Variants in SLC15A1 observed in about 807,000 individuals in gnomAD.
The protein encoded by SLC15A1 is Caco-2 oligopeptide transporter.
SLC15A1 carries 83 observed loss-of-function variants against 92.9 expected under a neutral mutation model. The observed-to-expected ratio is 0.89, with a 90% CI of 0.75 to 1.07. The LOEUF (loss-of-function observed/expected upper bound fraction) is 1.07. Among genes scored for constraint, SLC15A1 ranks in the 50% least tolerant of loss-of-function variants. SLC15A1 has a pLI of 0.00. For synonymous variants in SLC15A1, 322 were observed against 318.2 expected, an observed-to-expected ratio of 1.01 and a Z score of -0.13; for missense variants, 857 against 880.1, an observed-to-expected ratio of 0.97 and a Z score of 0.33.
Position 98,726,172 on chromosome 13 carries a change from T to C in SLC15A1, c.196A>G (p.Thr66Ala), listed in dbSNP as rs750292148. ...GCGATAAGAGCTCCGAGAATTGGCG[T>C]CAGGTAGCACAGAGCCACAAACGTA... The part of the protein sequence containing the change: ...YHTFVALCYL[T>A]PILGALIADS... Residue 66 changes from threonine to alanine, a missense_variant, in exon 4 of 23, where the codon ACG becomes GCG. By Grantham distance (58) the Thr-to-Ala change is moderately conservative. Transcript: ENST00000376503. 9.9e-6 allele frequency: 16 copies of C among 1,613,728 alleles called. 1 individual carries two copies. In the South Asian group the frequency reaches 1.6e-4, roughly 17 times the overall value.
chr13:98,731,308 C>T (rs1268780263), intron 1 of SLC15A1, among the ~76,000 whole-genome samples: 3 of 152,318 alleles, frequency 2.0e-5, no homozygotes, highest in African/African-American at 7.2e-5. Context: ...CGCCAGTGTC[C>T]GGCGAATAGG....
chr13:98,748,136 C>T (rs1449576735), intron 1 of SLC15A1, among the ~76,000 whole-genome samples: 1 of 152,152 alleles, frequency 6.6e-6, no homozygotes, highest in Non-Finnish European at 1.5e-5. Flanking sequence ...GTTCCTGCCC[C>T]CTGAGGATAT....
In SLC15A1 at chr13:98,718,300, CTTTTTTTTTTTTTTTTTTTTT is replaced by C. The variant is rs532286337; in HGVS notation, c.640+916_640+936del. The stretch of plus-strand genomic sequence containing the variant: ...ATCCAGCAGATTCTATCACCTTCAT[CTTTTTTTTTTTTTTTTTTTTT>C]TTTTTTTTTTTTTTTTGAGACAGGG... On this transcript the variant is annotated intron_variant, in intron 8 of 22. Transcript: ENST00000376503. Among the ~76,000 whole-genome samples the C allele has an allele frequency of 6.7e-3, 564 of 84,122 alleles. 22 individuals carry two copies. Among genetic ancestry groups the C allele is most frequent in the Admixed American group, 0.056 (434 of 7,734 alleles). The allele number at this position is 84,122 out of a possible 152,430, so 55.2% of individuals were successfully genotyped here.
At position 98,721,312 on chromosome 13, in the gene SLC15A1, A is replaced by G. The variant is rs769078173; in HGVS notation, c.556+183T>C. On this transcript the variant is annotated intron_variant, in intron 7 of 22. Transcript: ENST00000376503. ...GTCACTGGGATAAGGGATTTAAATAAGACAAAAAGGAGGTGAAACTCACAG... is the reference window on the plus strand; with the variant it reads ...GTCACTGGGATAAGGGATTTAAATAGGACAAAAAGGAGGTGAAACTCACAG... 5.7e-6 allele frequency: 4 copies of G among 705,922 alleles called. No individual in the cohort carries two copies. The South Asian group carries it at 6.0e-5, about 11-fold the overall frequency. The allele number at this position is 705,922 out of a possible 1,614,324, so 43.7% of individuals were successfully genotyped here.
chr13:98,727,540 G>T (rs2088312342), intron 1 of SLC15A1, among the ~76,000 whole-genome samples: 1 of 152,184 alleles, frequency 6.6e-6, no homozygotes, highest in African/African-American at 2.4e-5. Context: ...GAATGAATGA[G>T]AAGAGCAGGA....
At position 98,733,647 on chromosome 13, in the gene SLC15A1, G is replaced by A. The variant is rs1325145319; in HGVS notation, c.5-6788C>T. On this transcript the variant is annotated intron_variant, in intron 1 of 22. Coordinates refer to ENST00000376503, the MANE Select transcript of SLC15A1 (RefSeq NM_005073.4). The stretch of plus-strand genomic sequence containing the variant: ...GCAAAAGTGGTTTTTCAGTTAAGGA[G>A]AGAATTTTCTCAGTATTGCCCCTGC... 4.6e-5 allele frequency among the ~76,000 whole-genome samples: 7 copies of A among 152,260 alleles called. 1 individual carries two copies. Among genetic ancestry groups the A allele is most frequent in the Admixed American group, 3.3e-4 (5 of 15,288 alleles).
intron 1 of SLC15A1, among the ~76,000 whole-genome samples, chr13:98,750,354 G>A (rs1441661053): frequency 6.6e-6 from 1 of 151,994 alleles, no homozygotes; most frequent in Non-Finnish European, 1.5e-5. Flanking sequence ...CTTATGATCC[G>A]CCCGCCTCGG....
intron 1 of SLC15A1, among the ~76,000 whole-genome samples, chr13:98,750,358 G>C (rs868425841): frequency 1.3e-5 from 2 of 152,078 alleles, no homozygotes; most frequent in Admixed American, 1.3e-4. Flanking sequence ...TGATCCGCCC[G>C]CCTCGGCCTC....
At chr13:98,747,789 G>A (rs1490989118) in intron 1 of SLC15A1, among the ~76,000 whole-genome samples, 1 of 152,160 alleles carries the variant, frequency 6.6e-6, no homozygotes, top group Non-Finnish European at 1.5e-5. Flanking sequence ...GCTGAGACAG[G>A]AGAATTGCTT....
chr13:98,691,086 C>T (rs185755573), intron 18 of SLC15A1, among the ~76,000 whole-genome samples: 206 of 152,254 alleles, frequency 1.4e-3, no homozygotes, highest in Non-Finnish European at 2.0e-3. Flanking sequence ...CCCTGTTGCC[C>T]AGGCTGGAGT....
intron 11 of SLC15A1, among the ~76,000 whole-genome samples, chr13:98,710,270 C>A (rs2088150998): frequency 6.6e-6 from 1 of 152,118 alleles, no homozygotes; most frequent in Admixed American, 6.6e-5. Context: ...TGCAGATGGT[C>A]CATATTCACT....
intron 18 of SLC15A1, among the ~76,000 whole-genome samples, chr13:98,695,218 G>A (rs1027043482): frequency 6.6e-6 from 1 of 152,056 alleles, no homozygotes; most frequent in Non-Finnish European, 1.5e-5. Flanking sequence ...CATTTAAAAA[G>A]TGCATGAGAA....
At chr13:98,687,515 G>C (rs1465435344) in intron 21 of SLC15A1, 66 bp downstream of exon 21, 5 of 1,544,164 alleles carry the variant, frequency 3.2e-6, no homozygotes, top group Non-Finnish European at 3.5e-6. Flanking sequence ...TTTAAATTAA[G>C]TCCCATCAGC....
chr13:98,742,093 G>A (rs1294379991), intron 1 of SLC15A1, among the ~76,000 whole-genome samples: 1 of 152,198 alleles, frequency 6.6e-6, no homozygotes, highest in Admixed American at 6.5e-5. Flanking sequence ...CTCAGCAGAC[G>A]CCTGGTGGTC....
chr13:98,687,866 C>G, intron 20 of SLC15A1, 142 bp from the exon 21 acceptor site: 1 of 974,412 alleles, frequency 1.0e-6, no homozygotes, highest in Middle Eastern at 3.3e-4. Flanking sequence ...TAAGGCAACA[C>G]TGCATTTTAC....
chr13:98,719,198 G>A lies in SLC15A1; in HGVS notation c.640+39C>T, dbSNP rs764220602. 7 of 1,470,758 alleles carry A rather than the reference G, an allele frequency of 4.8e-6. No individual in the cohort carries two copies. In the Admixed American group the frequency reaches 1.0e-4, roughly 21 times the overall value. The allele number at this position is 1,470,758 out of a possible 1,614,324, so 91.1% of individuals were successfully genotyped here. A position where few individuals can be genotyped will look rare whatever the true frequency, so the allele number is the denominator to read the frequency against. ...CAATCATTCACGTAGGGCCTGACCT[G>A]GTCCTAGGCTTCTATTAATTCAACC... On this transcript the variant is annotated intron_variant, in intron 8 of 22. Coordinates refer to ENST00000376503, the MANE Select transcript of SLC15A1 (RefSeq NM_005073.4).
chr13:98,721,395 G>T, intron 7 of SLC15A1, 100 bp downstream of exon 7: 2 of 845,456 alleles, frequency 2.4e-6, no homozygotes. Flanking sequence ...CTGACAGCTA[G>T]AAAACAGGGC....
chr13:98,745,761 C>G (rs2088488194), intron 1 of SLC15A1, among the ~76,000 whole-genome samples: 1 of 152,180 alleles, frequency 6.6e-6, no homozygotes, highest in South Asian at 2.1e-4. Context: ...TCTGTTGTTT[C>G]AAATTCCCCA....
intron 1 of SLC15A1, among the ~76,000 whole-genome samples, chr13:98,744,131 C>T (rs2088472726): frequency 6.7e-6 from 1 of 150,372 alleles, no homozygotes; most frequent in Admixed American, 6.7e-5. Context: ...GTCCCAGCTA[C>T]TTGGGAGGCT....
Sources: allele counts gnomAD v4.1 joint callset (sites outside exome capture counted in the v4.1 genomes callset), GRCh38; gene constraint gnomAD v4.1.1; transcripts MANE v1.5; gene names NCBI Gene and HGNC (gene_info 2026-07-23, HGNC 2026-07-21).